Variants in SFI1 observed in about 807,000 individuals in gnomAD.
SFI1 encodes the protein SFI1 centrin binding protein, also known as protein SFI1 homolog.
SFI1 carries 195 observed loss-of-function variants against 207.5 expected under a neutral mutation model. That is an observed-to-expected ratio of 0.94 (90% CI 0.84 to 1.06). SFI1 has a LOEUF of 1.06. Among genes scored for constraint, SFI1 ranks in the 50% least tolerant of loss-of-function variants. The probability of loss-of-function intolerance (pLI) is 0.00; values close to 1 mark genes in which losing one functional copy is unlikely to be tolerated. For synonymous variants in SFI1, 630 were observed against 598.9 expected (o/e 1.05, Z -0.76); for missense variants, 1,634 against 1,588.0 (o/e 1.03, Z -0.49).
intron 3 of SFI1, among the ~76,000 whole-genome samples, chr22:31,530,387 G>T (rs1737736247): frequency 1.4e-5 from 2 of 140,562 alleles, no homozygotes; most frequent in African/African-American, 2.7e-5. Context: ...CTACTCGGGA[G>T]GCTGAGGCAG....
chr22:31,543,040 G>A (rs1259106780), intron 4 of SFI1, among the ~76,000 whole-genome samples: 1 of 147,754 alleles, frequency 6.8e-6, no homozygotes. Flanking sequence ...GGCGCATCTC[G>A]GCTCACTGCA....
Position 31,585,392 on chromosome 22 carries a change from C to A in SFI1, c.1413+258C>A, listed in dbSNP as rs540901670. Among the ~76,000 whole-genome samples the A allele has an allele frequency of 2.0e-5, 3 of 152,304 alleles. No homozygotes were observed. The East Asian group carries it at 5.8e-4, about 29-fold the overall frequency. ...CTGAGCTCTTATCAGCCATTCACAT[C>A]TTTACTCAAATTCATTTAGTCTCTG... is the stretch of plus-strand genomic sequence containing the variant. On this transcript the variant is annotated intron_variant, in intron 14 of 32. Coordinates refer to ENST00000400288, the MANE Select transcript of SFI1 (RefSeq NM_001007467.3).
At chr22:31,563,211 G>T (rs1375007713) in intron 8 of SFI1, among the ~76,000 whole-genome samples, 1 of 151,772 alleles carries the variant, frequency 6.6e-6, no homozygotes, top group Non-Finnish European at 1.5e-5. Flanking sequence ...CAGGGTGGTT[G>T]CTAACTCCTG....
chr22:31,575,926 G>A (rs1170065428), intron 10 of SFI1, among the ~76,000 whole-genome samples: 3 of 152,138 alleles, frequency 2.0e-5, no homozygotes, highest in South Asian at 4.1e-4. Context: ...TTTTACAGAC[G>A]AGGAAAGAGA....
At chr22:31,531,588 C>A (rs561101113) in intron 4 of SFI1, among the ~76,000 whole-genome samples, 15 of 151,778 alleles carry the variant, frequency 9.9e-5, no homozygotes, top group African/African-American at 3.4e-4. Context: ...GGTGAAACCC[C>A]GTCTCTACAA....
At chr22:31,501,997 C>G (rs1333940276) in intron 1 of SFI1, among the ~76,000 whole-genome samples, 1 of 152,018 alleles carries the variant, frequency 6.6e-6, no homozygotes, top group East Asian at 1.9e-4. Flanking sequence ...GGCTTCCTGT[C>G]CAGGGTGGCA....
Position 31,550,296 on chromosome 22 carries a change from T to C in SFI1, c.492T>C (p.Tyr164=), listed in dbSNP as rs16989753. Residue 164 remains tyrosine, a synonymous_variant, in exon 6 of 33, where the codon TAT becomes TAC. Coordinates refer to ENST00000400288, the MANE Select transcript of SFI1 (RefSeq NM_001007467.3). The part of the protein sequence containing the change: ...YNLMFQTWKT[Y]VRQQQEMRNK... ...TGATGTTCCAGACGTGGAAGACCTA[T>C]GTGCGTCAGCAGCAGGAGATGAGGA... 0.046 allele frequency: 73,805 copies of C among 1,613,906 alleles called. 1,809 individuals carry two copies. Among genetic ancestry groups the C allele is most frequent in the African/African-American group, 0.056 (4,200 of 75,012 alleles).
chr22:31,605,107 G>T, intron 20 of SFI1, 162 bp downstream of exon 20: 1 of 604,784 alleles, frequency 1.7e-6, no homozygotes. Flanking sequence ...TCACGGGTTC[G>T]CCTTCATGTC....
At position 31,504,708 on chromosome 22, in the gene SFI1, A is replaced by C. The variant is rs574846985; in HGVS notation, c.-30-3547A>C. Among the ~76,000 whole-genome samples, 20 of 152,274 alleles carry C rather than the reference A, an allele frequency of 1.3e-4. 1 individual carries two copies. The South Asian group carries it at 4.1e-3, about 32-fold the overall frequency. ...CCTCTCCCTGAAGGCTCAGGGGAGA[A>C]TCTGTTCCATGCCTTTCTCTTAGCT... On this transcript the variant is annotated intron_variant, in intron 1 of 32. Coordinates refer to ENST00000400288, the MANE Select transcript of SFI1 (RefSeq NM_001007467.3).
chr22:31,556,682 G>A (rs921822709), intron 6 of SFI1, among the ~76,000 whole-genome samples: 6 of 152,094 alleles, frequency 3.9e-5, no homozygotes, highest in African/African-American at 9.7e-5. Flanking sequence ...AGAAATAAGC[G>A]CTTTTAAAGC....
intron 8 of SFI1, among the ~76,000 whole-genome samples, chr22:31,570,299 A>G (rs1291663934): frequency 2.0e-5 from 3 of 152,174 alleles, no homozygotes; most frequent in Non-Finnish European, 2.9e-5. Context: ...TAAAAGATGT[A>G]TGGATGAGAT....
chr22:31,499,386 G>C (rs181049744), intron 1 of SFI1, among the ~76,000 whole-genome samples: 63 of 152,100 alleles, frequency 4.1e-4, no homozygotes, highest in Admixed American at 3.5e-3. Flanking sequence ...AGTAGAGACA[G>C]GGTTTCACTG....
chr22:31,613,187 T>G lies in SFI1; in HGVS notation c.2536T>G (p.Trp846Gly). Reference sequence around the variant, plus strand: ...GCAGCGGGCGACAGTGCGGGCCCTGTGGTTCTGGGCCTTCTCGCTGCAGGC... The same window carrying G: ...GCAGCGGGCGACAGTGCGGGCCCTGGGGTTCTGGGCCTTCTCGCTGCAGGC... Reference protein sequence around the residue: ...QEQRATVRALWFWAFSLQAKV... With the variant: ...QEQRATVRALGFWAFSLQAKV... Residue 846 changes from tryptophan (W) to glycine (G), a missense_variant, in exon 25 of 33, where the codon TGG (tryptophan) becomes GGG (glycine). Trp to Gly is a radical substitution (Grantham distance 184, BLOSUM62 -2). Transcript: ENST00000400288. 1 of 1,613,844 alleles carries G rather than the reference T, an allele frequency of 6.2e-7. No homozygotes were observed. Among genetic ancestry groups the G allele is most frequent in the Non-Finnish European group, 8.5e-7 (1 of 1,180,020 alleles).
intron 1 of SFI1, among the ~76,000 whole-genome samples, chr22:31,504,333 G>C (rs2054291372): frequency 6.6e-6 from 1 of 152,144 alleles, no homozygotes; most frequent in African/African-American, 2.4e-5. Context: ...TGTAGTATCA[G>C]AAAAACTAGG....
intron 4 of SFI1, among the ~76,000 whole-genome samples, chr22:31,543,154 T>C (rs1168931513): frequency 1.3e-5 from 2 of 150,826 alleles, no homozygotes; most frequent in African/African-American, 4.9e-5. Context: ...GCATTTTTAA[T>C]AGAGATGGGG....
intron 4 of SFI1, among the ~76,000 whole-genome samples, chr22:31,538,172 A>G (rs2059168376): frequency 6.6e-6 from 1 of 151,166 alleles, no homozygotes; most frequent in South Asian, 2.1e-4. Context: ...GGGTTTCACC[A>G]TGTTGGTCTC....
chr22:31,510,659 C>T (rs1352197150), intron 2 of SFI1, among the ~76,000 whole-genome samples: 1 of 152,094 alleles, frequency 6.6e-6, no homozygotes, highest in Non-Finnish European at 1.5e-5. Context: ...GTCTTGAACT[C>T]GTGACCTCAA....
chr22:31,504,695 G>A (rs1337478249), intron 1 of SFI1, among the ~76,000 whole-genome samples: 2 of 152,148 alleles, frequency 1.3e-5, no homozygotes, highest in African/African-American at 4.8e-5. Flanking sequence ...TCTCCCTGAA[G>A]GCTCAGGGGA....
intron 14 of SFI1, chr22:31,587,638 C>T (rs1374153883): frequency 1.3e-5 from 2 of 153,962 alleles, no homozygotes; most frequent in Non-Finnish European, 2.9e-5. Flanking sequence ...ACTTGAGTAT[C>T]CATGGATTTT....
Sources: gnomAD v4.1 joint callset for allele counts (sites outside exome capture counted in the v4.1 genomes callset) on GRCh38, gnomAD v4.1.1 for gene constraint, MANE v1.5 for transcripts, NCBI Gene and HGNC (gene_info 2026-07-23, HGNC 2026-07-21) for gene names.